The following MYO16 variants were observed in gnomAD, a reference collection of about 807,000 sequenced individuals.
The protein encoded by MYO16 is unconventional myosin-XVI.
A neutral mutation model predicts 205.3 loss-of-function variants in MYO16; 94 were observed. The observed-to-expected ratio is 0.46, with a 90% CI of 0.39 to 0.54. The LOEUF (loss-of-function observed/expected upper bound fraction) is 0.54, where lower values mean the gene tolerates loss of function less well. Among genes scored for constraint, MYO16 ranks in the 20% least tolerant of loss-of-function variants. The pLI, the probability that MYO16 is intolerant of heterozygous loss-of-function variation, is 0.00. For synonymous variants in MYO16, 988 were observed against 954.0 expected, an observed-to-expected ratio of 1.04 and a Z score of -0.66; for missense variants, 2,315 against 2,387.5, an observed-to-expected ratio of 0.97 and a Z score of 0.63.
intron 21 of MYO16, among the ~76,000 whole-genome samples, chr13:109,007,645 C>T (rs1006292544): frequency 2.0e-5 from 3 of 150,442 alleles, no homozygotes; most frequent in Non-Finnish European, 2.9e-5. Context: ...TCGGATTTTG[C>T]GCTGGTTAGA....
chr13:108,990,147 T>TACACACAC lies in MYO16; in HGVS notation c.2370-2200_2370-2193dup, dbSNP rs56975148. 3.2e-3 allele frequency among the ~76,000 whole-genome samples: 475 copies of TACACACAC among 148,498 alleles called. 4 individuals carry two copies. The highest frequency in any genetic ancestry group is 9.0e-3 in the African/African-American group (361 of 40,254). On this transcript the variant is annotated intron_variant, in intron 20 of 34. Transcript: ENST00000457511. ...ATGATGCAGCTCATCACACAGACAA[T>TACACACAC]ACACACACACACACACACACACACA... is the stretch of plus-strand genomic sequence containing the variant.
intron 15 of MYO16, among the ~76,000 whole-genome samples, chr13:108,900,488 T>G (rs1880655355): frequency 6.6e-6 from 1 of 152,170 alleles, no homozygotes; most frequent in Admixed American, 6.5e-5. Flanking sequence ...TTGTGAAGAT[T>G]TCATGGACAT....
the MYO16 span, among the ~76,000 whole-genome samples, chr13:108,556,785 T>A: frequency 6.6e-6 from 1 of 151,256 alleles, no homozygotes; most frequent in Non-Finnish European, 1.5e-5. Context: ...AATTATTTCA[T>A]CCATTTTGAG....
At chr13:108,545,639 T>C in the MYO16 span, among the ~76,000 whole-genome samples, 1 of 152,222 alleles carries the variant, frequency 6.6e-6, no homozygotes, top group Non-Finnish European at 1.5e-5. Flanking sequence ...CATTTTCTTC[T>C]CTTCACAACC....
intron 2 of MYO16, among the ~76,000 whole-genome samples, chr13:108,675,260 C>T (rs1015763585): frequency 1.3e-5 from 2 of 152,218 alleles, no homozygotes; most frequent in African/African-American, 2.4e-5. Flanking sequence ...ATGTAGAGCG[C>T]AGGCACATGC....
intron 15 of MYO16, among the ~76,000 whole-genome samples, chr13:108,904,067 A>G (rs539503172): frequency 3.3e-5 from 5 of 152,208 alleles, no homozygotes; most frequent in Non-Finnish European, 5.9e-5. Context: ...TTACACTTTT[A>G]TAATTTAATG....
At chr13:109,012,798 T>G (rs1885647675) in intron 22 of MYO16, among the ~76,000 whole-genome samples, 1 of 150,290 alleles carries the variant, frequency 6.7e-6, no homozygotes, top group Non-Finnish European at 1.5e-5. Context: ...TATATATATA[T>G]GTATATGATT....
chr13:108,974,558 C>T (rs1376164546), intron 20 of MYO16, among the ~76,000 whole-genome samples: 2 of 152,110 alleles, frequency 1.3e-5, no homozygotes, highest in African/African-American at 4.8e-5. Context: ...TGTTCATAGT[C>T]TCCTTTTAGT....
intron 21 of MYO16, among the ~76,000 whole-genome samples, chr13:108,999,553 A>G (rs767804997): frequency 6.6e-6 from 1 of 152,222 alleles, no homozygotes; most frequent in Non-Finnish European, 1.5e-5. Flanking sequence ...TTCTGTGTTT[A>G]TAGATAGCAT....
chr13:108,713,053 A>G (rs1037810839), intron 3 of MYO16, among the ~76,000 whole-genome samples: 2 of 152,188 alleles, frequency 1.3e-5, no homozygotes, highest in African/African-American at 4.8e-5. Context: ...TATTCCTCTA[A>G]TGAAATTTTA....
chr13:108,663,960 A>T (rs1881613522), intron 1 of MYO16, among the ~76,000 whole-genome samples: 1 of 152,198 alleles, frequency 6.6e-6, no homozygotes, highest in Non-Finnish European at 1.5e-5. Context: ...ACAGATGTGA[A>T]AGCAGAAGAC....
intron 27 of MYO16, among the ~76,000 whole-genome samples, chr13:109,084,118 A>G (rs1888364523): frequency 6.6e-6 from 1 of 152,226 alleles, no homozygotes; most frequent in African/African-American, 2.4e-5. Flanking sequence ...ATACCATCCA[A>G]TCTAAAAGTG....
intron 14 of MYO16, among the ~76,000 whole-genome samples, chr13:108,889,506 A>T (rs894488744): frequency 6.6e-6 from 1 of 152,194 alleles, no homozygotes; most frequent in Non-Finnish European, 1.5e-5. Flanking sequence ...TCAGAAGAAG[A>T]CATTGAAAGG....
chr13:108,815,391 A>C (rs914464117), intron 7 of MYO16, among the ~76,000 whole-genome samples: 1 of 152,174 alleles, frequency 6.6e-6, no homozygotes. Context: ...GTGTAATCAC[A>C]TGGGACCTTA....
chr13:108,684,943 G>A (rs117856336), intron 2 of MYO16, among the ~76,000 whole-genome samples: 5,202 of 151,948 alleles, frequency 0.034, 134 homozygotes, highest in South Asian at 0.15. Context: ...AATGGTAAAC[G>A]TAAGTCAAGT....
At chr13:109,066,356 A>G (rs952025334) in intron 27 of MYO16, among the ~76,000 whole-genome samples, 1 of 152,170 alleles carries the variant, frequency 6.6e-6, no homozygotes, top group African/African-American at 2.4e-5. Context: ...GCAGACGATA[A>G]ACTTTCTCCA....
At chr13:108,687,363 T>A (rs1391970456) in intron 2 of MYO16, among the ~76,000 whole-genome samples, 1 of 152,128 alleles carries the variant, frequency 6.6e-6, no homozygotes, top group Admixed American at 6.5e-5. Flanking sequence ...AATCACACAG[T>A]CCCTCCTGTG....
At position 108,661,384 on chromosome 13, in the gene MYO16, T is replaced by C. The variant is rs570732070; in HGVS notation, c.29-4502T>C. ...TATTCCTCCATATATGTTTTCCAGT[T>C]TTTCAGAATTTTCTTCTTCCTCAAG... On this transcript the variant is annotated intron_variant, in intron 1 of 34. Transcript: ENST00000457511. 4.6e-5 allele frequency among the ~76,000 whole-genome samples: 7 copies of C among 152,220 alleles called. No homozygotes were observed. In the East Asian group the frequency reaches 1.3e-3, roughly 29 times the overall value.
the MYO16 span, among the ~76,000 whole-genome samples, chr13:108,581,498 T>C: frequency 2.6e-5 from 4 of 152,174 alleles, no homozygotes; most frequent in Non-Finnish European, 5.9e-5. Context: ...TTTTTTTTGT[T>C]TGTATCTTGC....
Sources: gnomAD v4.1 joint callset for allele counts (sites outside exome capture counted in the v4.1 genomes callset) on GRCh38, gnomAD v4.1.1 for gene constraint, MANE v1.5 for transcripts, NCBI Gene and HGNC (gene_info 2026-07-23, HGNC 2026-07-21) for gene names.